YBEY: variants seen among roughly 807,000 people sequenced by gnomAD.
YBEY encodes the protein endoribonuclease YbeY.
A neutral mutation model predicts 13.5 loss-of-function variants in YBEY; 15 were observed. The observed-to-expected ratio is 1.11, with a 90% CI of 0.75 to 1.72. YBEY has a LOEUF of 1.72. YBEY is among the 40% of genes most tolerant of loss of function. The pLI is 0.00. For synonymous variants in YBEY, 101 were observed against 83.1 expected (o/e 1.21, Z -1.17); for missense variants, 244 against 208.4 (o/e 1.17, Z -1.05).
downstream of YBEY, chr21:46,302,045 G>A (rs1375991456): frequency 3.9e-6 from 6 of 1,531,542 alleles, no homozygotes; most frequent in African/African-American, 4.2e-5. Flanking sequence ...CTGGAGGACA[G>A]TGGCAGCCCC....
the YBEY span, among the ~76,000 whole-genome samples, chr21:46,309,685 G>A: frequency 6.6e-6 from 1 of 151,660 alleles, no homozygotes; most frequent in African/African-American, 2.4e-5. Context: ...ATACTGTGTA[G>A]ACCATTTCTA....
Position 46,287,122 on chromosome 21 carries a change from A to T in YBEY, c.209A>T (p.Glu70Val), listed in dbSNP as rs762200181. The T allele has an allele frequency of 5.1e-6, 8 of 1,564,626 alleles. No homozygotes were observed. The highest frequency in any genetic ancestry group is 6.1e-6 in the Non-Finnish European group (7 of 1,154,912). Residue 70 changes from glutamate (E) to valine (V), a missense_variant and splice_region_variant, in exon 2 of 5, where the codon GAG becomes GTG. Glu to Val is a moderately radical substitution (Grantham distance 121, BLOSUM62 -2). Transcript: ENST00000397701. ...GATGTGCTTTCTTTTCCATTTCATGAGGTAAAAAAAAAATGTTCCTCTTCT... is the reference window on the plus strand; with the variant it reads ...GATGTGCTTTCTTTTCCATTTCATGTGGTAAAAAAAAAATGTTCCTCTTCT... ...PTDVLSFPFH[E>V]HLKAGEFPQP...
chr21:46,303,979 C>G, the YBEY span, among the ~76,000 whole-genome samples: 1 of 143,630 alleles, frequency 7.0e-6, no homozygotes, highest in African/African-American at 2.6e-5. Flanking sequence ...TCTCGATCTC[C>G]TGACCTCATG....
chr21:46,300,037 A>T (rs2082067044), downstream of YBEY: 1 of 152,452 alleles, frequency 6.6e-6, no homozygotes, highest in Non-Finnish European at 1.5e-5. Flanking sequence ...TCTGGATGCC[A>T]GAGCCTTTCA....
chr21:46,287,543 T>G (rs1471949235), intron 2 of YBEY, among the ~76,000 whole-genome samples: 1 of 152,188 alleles, frequency 6.6e-6, no homozygotes, highest in East Asian at 1.9e-4. Context: ...GGCTCCATGG[T>G]GCCTATAAGT....
the YBEY span, chr21:46,311,572 G>T: frequency 3.8e-6 from 6 of 1,580,052 alleles, no homozygotes; most frequent in East Asian, 1.3e-4. Context: ...GGGGACCTAG[G>T]AACAGCCAGG....
At chr21:46,295,972 G>T (rs535396229) in intron 3 of YBEY, among the ~76,000 whole-genome samples, 190 bp from the exon 4 acceptor site, 32 of 152,288 alleles carry the variant, frequency 2.1e-4, no homozygotes, top group Admixed American at 2.6e-4. Flanking sequence ...TCTCAAAGGG[G>T]CTTGCTTGCT....
chr21:46,296,711 T>C (rs1419463699), intron 4 of YBEY, among the ~76,000 whole-genome samples: 2 of 152,062 alleles, frequency 1.3e-5, no homozygotes, highest in Non-Finnish European at 2.9e-5. Context: ...AAGAAAAAGT[T>C]TGGCCGGGCG....
intron 2 of YBEY, among the ~76,000 whole-genome samples, chr21:46,290,381 T>C (rs2145780761): frequency 6.6e-6 from 1 of 152,150 alleles, no homozygotes; most frequent in Admixed American, 6.5e-5. Flanking sequence ...AATTTTTGTA[T>C]TTTTAGTAGA....
intron 2 of YBEY, among the ~76,000 whole-genome samples, chr21:46,289,160 A>G (rs2081590837): frequency 6.6e-6 from 1 of 152,228 alleles, no homozygotes; most frequent in African/African-American, 2.4e-5. Flanking sequence ...GAAAATGTGA[A>G]AGACTCTTTA....
chr21:46,300,110 C>T (rs2082068065), downstream of YBEY: 1 of 152,414 alleles, frequency 6.6e-6, no homozygotes, highest in African/African-American at 2.4e-5. Flanking sequence ...CATTTCTTCC[C>T]TCTGTTGTAT....
At position 46,291,444 on chromosome 21, in the gene YBEY, T is replaced by A. The variant is rs2081707350; in HGVS notation, c.321T>A (p.Asp107Glu). ...YIFHQCKENE[D>E]YNDVLTVTAT... The stretch of plus-strand genomic sequence containing the variant: ...TCCATCAGTGTAAAGAAAATGAAGA[T>A]TACAATGACGTCCTGACTGTAAGCG... Residue 107 changes from aspartate (D) to glutamate (E), a missense_variant, in exon 3 of 5, where the codon GAT (aspartate) becomes GAA (glutamate). Transcript: ENST00000397701. The A allele has an allele frequency of 2.5e-6, 4 of 1,614,064 alleles. No individual in the cohort carries two copies. In the East Asian group the frequency reaches 8.9e-5, roughly 36 times the overall value.
At chr21:46,312,896 C>A in the YBEY span, 1 of 610,998 alleles carries the variant, frequency 1.6e-6, no homozygotes, top group Non-Finnish European at 2.0e-6. Flanking sequence ...TACTGTAGTA[C>A]ATATATAGAA....
downstream of YBEY, chr21:46,297,820 G>A (rs2145850686): frequency 8.3e-7 from 1 of 1,199,112 alleles, no homozygotes; most frequent in Non-Finnish European, 1.0e-6. Flanking sequence ...GAGGGCGTCT[G>A]GAGTTCAGGG....
At chr21:46,312,254 C>G in the YBEY span, among the ~76,000 whole-genome samples, 1 of 152,124 alleles carries the variant, frequency 6.6e-6, no homozygotes, top group African/African-American at 2.4e-5. Context: ...CTGTCTTTAG[C>G]GGGGTGGGCT....
the YBEY span, among the ~76,000 whole-genome samples, chr21:46,312,027 CCA>C: frequency 3.4e-4 from 48 of 142,858 alleles, no homozygotes; most frequent in Middle Eastern, 7.8e-3. Context: ...ACCCATCCAC[CCA>C]TCCACCTACC....
chr21:46,305,704 C>T, the YBEY span, among the ~76,000 whole-genome samples: 1 of 152,092 alleles, frequency 6.6e-6, no homozygotes, highest in East Asian at 1.9e-4. Context: ...CTTTGGGAGG[C>T]TGAGGTGGGC....
chr21:46,301,620 C>T, downstream of YBEY: 1 of 1,035,400 alleles, frequency 9.7e-7, no homozygotes, highest in East Asian at 7.8e-5. Flanking sequence ...TGGATGAAAT[C>T]TTTATTTCAT....
rs982341300 is a variant in YBEY, at chr21:46,296,235, G to A, written c.408+5G>A. 5.0e-6 allele frequency: 8 copies of A among 1,613,464 alleles called. No individual in the cohort carries two copies. Among genetic ancestry groups the A allele is most frequent in the Non-Finnish European group, 6.8e-6 (8 of 1,180,016 alleles). ...ACGGAGGCAGAGTGGCAGCAGGTAA[G>A]GAGCCCATCCATCCCACTACCGAGG... On this transcript the variant is annotated splice_donor_5th_base_variant and intron_variant, in intron 4 of 4. Coordinates refer to ENST00000397701, the MANE Select transcript of YBEY (RefSeq NM_001314025.2).
Sources: allele counts gnomAD v4.1 joint callset (sites outside exome capture counted in the v4.1 genomes callset), GRCh38; gene constraint gnomAD v4.1.1; transcripts MANE v1.5; gene names NCBI Gene and HGNC (gene_info 2026-07-23, HGNC 2026-07-21).